The following ITGAM variants were observed in gnomAD, a reference collection of about 807,000 sequenced individuals.
The protein encoded by ITGAM is integrin alpha-M.
A neutral mutation model predicts 137.5 loss-of-function variants in ITGAM; 79 were observed. The observed-to-expected ratio is 0.57, with a 90% CI of 0.48 to 0.69. ITGAM has a LOEUF of 0.69. Ranked by LOEUF, ITGAM falls within the 30% of genes least tolerant of loss-of-function variation. The probability of loss-of-function intolerance (pLI) is 0.00; values close to 1 mark genes in which losing one functional copy is unlikely to be tolerated. For synonymous variants in ITGAM, 583 were observed against 592.3 expected (o/e 0.98, Z 0.23); for missense variants, 1,343 against 1,483.5 (o/e 0.91, Z 1.56).
intron 12 of ITGAM, among the ~76,000 whole-genome samples, chr16:31,296,321 C>A (rs894869708): frequency 1.3e-5 from 2 of 151,306 alleles, no homozygotes; most frequent in African/African-American, 2.4e-5. Flanking sequence ...CCATGATTTC[C>A]AGGTTGGTCT....
At position 31,324,225 on chromosome 16, in the gene ITGAM, C is replaced by T. The variant is rs562143869; in HGVS notation, c.2003-174C>T. Among the ~76,000 whole-genome samples, 3 of 145,060 alleles carry T rather than the reference C, an allele frequency of 2.1e-5. No homozygotes were observed. Among genetic ancestry groups the T allele is most frequent in the Non-Finnish European group, 3.0e-5 (2 of 66,122 alleles). On this transcript the variant is annotated intron_variant, in intron 16 of 29. Transcript: ENST00000544665. This position sits in a 1 kb window ranked among gnomAD's most constrained non-coding sequence, Gnocchi z 4.5. Reference sequence around the variant, plus strand: ...GAAGGAAGGAAAGGGAGGAAGAGAGCGAGGAAAGAAAGAAAGAAAGAAAAA... The same window carrying T: ...GAAGGAAGGAAAGGGAGGAAGAGAGTGAGGAAAGAAAGAAAGAAAGAAAAA...
intron 14 of ITGAM, among the ~76,000 whole-genome samples, chr16:31,315,628 T>A (rs1208842422): frequency 6.6e-6 from 1 of 151,836 alleles, no homozygotes; most frequent in Non-Finnish European, 1.5e-5. Flanking sequence ...TGGCTACTTT[T>A]TTGTATATTT....
intron 14 of ITGAM, among the ~76,000 whole-genome samples, chr16:31,318,701 A>G (rs2080417746): frequency 1.3e-5 from 2 of 151,904 alleles, no homozygotes; most frequent in Admixed American, 6.6e-5. Flanking sequence ...ATTTTTTTCT[A>G]TTCTCTATTT....
At chr16:31,278,207 G>A (rs147355850) in intron 12 of ITGAM, 98 bp downstream of exon 12, 261 of 1,323,118 alleles carry the variant, frequency 2.0e-4, no homozygotes, top group Admixed American at 1.2e-3. Context: ...TGGCCCTCTT[G>A]TAAAGGAGGC....
At chr16:31,293,737 A>G (rs540171557) in intron 12 of ITGAM, among the ~76,000 whole-genome samples, 87 of 152,278 alleles carry the variant, frequency 5.7e-4, no homozygotes, top group African/African-American at 2.0e-3. Flanking sequence ...TTGATTCCAT[A>G]TGAATTTTAA....
At chr16:31,271,729 G>A (rs943478864) in intron 6 of ITGAM, 118 bp from the exon 7 acceptor site, 13 of 1,225,880 alleles carry the variant, frequency 1.1e-5, no homozygotes, top group Non-Finnish European at 1.5e-5. Flanking sequence ...GGGATTAGGG[G>A]CAGCACAGAG....
At chr16:31,262,013 T>C (rs1232335611) in intron 2 of ITGAM, among the ~76,000 whole-genome samples, 8 of 152,160 alleles carry the variant, frequency 5.3e-5, no homozygotes, top group African/African-American at 1.9e-4. Flanking sequence ...CCTAGTTCCC[T>C]TCCCAGGAGG....
At chr16:31,302,681 C>T (rs2080219652) in intron 14 of ITGAM, among the ~76,000 whole-genome samples, 1 of 151,146 alleles carries the variant, frequency 6.6e-6, no homozygotes. Context: ...ATGACAGGCG[C>T]CCGCCACTAC....
At chr16:31,265,589 T>C (rs1175731298) in intron 3 of ITGAM, 91 bp downstream of exon 3, 4 of 910,678 alleles carry the variant, frequency 4.4e-6, no homozygotes, top group Non-Finnish European at 6.7e-6. Flanking sequence ...GGATCTGTGG[T>C]GGGGACACAG....
At chr16:31,317,350 T>C (rs973864258) in intron 14 of ITGAM, among the ~76,000 whole-genome samples, 1 of 152,188 alleles carries the variant, frequency 6.6e-6, no homozygotes, top group Non-Finnish European at 1.5e-5. Flanking sequence ...CCCAGATTCA[T>C]ATGTTGAAGC....
chr16:31,274,067 G>C (rs1454463360), intron 8 of ITGAM, among the ~76,000 whole-genome samples: 1 of 152,204 alleles, frequency 6.6e-6, no homozygotes, highest in Non-Finnish European at 1.5e-5. Flanking sequence ...GCGATAACCA[G>C]GTCCATGCAG....
intron 21 of ITGAM, 49 bp downstream of exon 21, chr16:31,325,671 G>A (rs1182799654): frequency 1.3e-6 from 2 of 1,582,936 alleles, no homozygotes; most frequent in South Asian, 1.2e-5. Context: ...TTTCTTTGGG[G>A]ATTCTTTTCT....
chr16:31,272,588 A>G (rs889093973), intron 7 of ITGAM, among the ~76,000 whole-genome samples: 10 of 138,864 alleles, frequency 7.2e-5, no homozygotes, highest in Non-Finnish European at 1.2e-4. Flanking sequence ...GGTTCAAGCA[A>G]TTCTCCTGCC....
intron 12 of ITGAM, among the ~76,000 whole-genome samples, chr16:31,282,319 T>C (rs547216422): frequency 6.6e-6 from 1 of 152,172 alleles, no homozygotes; most frequent in Admixed American, 6.5e-5. Flanking sequence ...GACAGTGGGG[T>C]GTTAAAGTCT....
intron 12 of ITGAM, among the ~76,000 whole-genome samples, chr16:31,285,429 G>A (rs922503156): frequency 1.3e-5 from 2 of 152,050 alleles, no homozygotes; most frequent in Non-Finnish European, 2.9e-5. Flanking sequence ...TTTGAGACGA[G>A]CCTGGCCGAT....
chr16:31,280,528 GCT>G (rs1204963124), intron 12 of ITGAM, among the ~76,000 whole-genome samples: 2 of 152,092 alleles, frequency 1.3e-5, no homozygotes, highest in East Asian at 3.8e-4. Context: ...TCATGATTTA[GCT>G]CTCTGTTTGT....
At chr16:31,320,857 T>C (rs2080441579) in intron 14 of ITGAM, among the ~76,000 whole-genome samples, 1 of 152,116 alleles carries the variant, frequency 6.6e-6, no homozygotes, top group African/African-American at 2.4e-5. Flanking sequence ...CTTTTCCCTG[T>C]ATGCAGGGAA....
rs1491388626 is a variant in ITGAM, at chr16:31,272,422, ACT to A, written c.704+431_704+432del. 3.5e-3 allele frequency among the ~76,000 whole-genome samples: 173 copies of A among 48,954 alleles called. 16 individuals carry two copies. The highest frequency in any genetic ancestry group is 0.011 in the African/African-American group (153 of 13,656). The allele number at this position is 48,954 out of a possible 152,430, so 32.1% of individuals were successfully genotyped here. ...GGAGAGGTTTCCTGAAGGCCAATTA[ACT>A]ATATATATATATATATATATATATA... On this transcript the variant is annotated intron_variant, in intron 7 of 29. Coordinates refer to ENST00000544665, the MANE Select transcript of ITGAM (RefSeq NM_000632.4).
At chr16:31,279,426 C>G (rs577129459) in intron 12 of ITGAM, among the ~76,000 whole-genome samples, 2 of 152,296 alleles carry the variant, frequency 1.3e-5, no homozygotes, top group East Asian at 3.9e-4. Flanking sequence ...TAATGATCAC[C>G]ATTCTAACTG....
Sources: allele counts gnomAD v4.1 joint callset (sites outside exome capture counted in the v4.1 genomes callset), GRCh38; gene constraint gnomAD v4.1.1; non-coding constraint Gnocchi (gnomAD v3.1); transcripts MANE v1.5; gene names NCBI Gene and HGNC (gene_info 2026-07-23, HGNC 2026-07-21).